The following MARK1 variants were observed in gnomAD, a reference collection of about 807,000 sequenced individuals.
MARK1 encodes serine/threonine-protein kinase MARK1.
Under a neutral mutation model 96.3 loss-of-function variants are expected in MARK1, and 40 were observed. The ratio of observed to expected loss-of-function variants is 0.42; its 90% CI spans 0.32 to 0.54. MARK1 has a LOEUF of 0.54. Among genes scored for constraint, MARK1 ranks in the 20% least tolerant of loss-of-function variants. The pLI, the probability that MARK1 is intolerant of heterozygous loss-of-function variation, is 0.16. For synonymous variants in MARK1, 317 were observed against 341.2 expected (o/e 0.93, Z 0.78); for missense variants, 719 against 984.6 (o/e 0.73, Z 3.61).
At chr1:220,557,810 G>A (rs1294289856) in intron 1 of MARK1, among the ~76,000 whole-genome samples, 1 of 152,008 alleles carries the variant, frequency 6.6e-6, no homozygotes, top group Non-Finnish European at 1.5e-5. Context: ...GAAAAATCAA[G>A]TGAGACAAAG....
intron 11 of MARK1, among the ~76,000 whole-genome samples, chr1:220,634,839 T>C (rs1667858280): frequency 6.6e-6 from 1 of 152,176 alleles, no homozygotes; most frequent in Admixed American, 6.5e-5. Flanking sequence ...ACCAGATTTT[T>C]TTTTTGCAAA....
At chr1:220,596,160 G>A (rs1665329469) in intron 3 of MARK1, among the ~76,000 whole-genome samples, 3 of 152,178 alleles carry the variant, frequency 2.0e-5, no homozygotes, top group Non-Finnish European at 4.4e-5. Flanking sequence ...ATCATTAGGA[G>A]AAACATGTAG....
At chr1:220,571,765 A>G (rs906423199) in intron 1 of MARK1, 2 of 152,198 alleles carry the variant, frequency 1.3e-5, no homozygotes, top group Admixed American at 6.5e-5. Flanking sequence ...TATGTTGCCC[A>G]GGCTGGAATG....
At chr1:220,586,289 T>C (rs996355749) in intron 3 of MARK1, among the ~76,000 whole-genome samples, 1 of 152,180 alleles carries the variant, frequency 6.6e-6, no homozygotes, top group Non-Finnish European at 1.5e-5. Flanking sequence ...CTATTCATAC[T>C]CTATTCCAGT....
intron 17 of MARK1, among the ~76,000 whole-genome samples, chr1:220,660,045 C>T (rs1469130454): frequency 6.6e-6 from 1 of 152,212 alleles, no homozygotes; most frequent in African/African-American, 2.4e-5. Context: ...CTTGGCCTCC[C>T]AAAGTGCTGA....
chr1:220,614,659 A>T (rs1666641077), intron 6 of MARK1, among the ~76,000 whole-genome samples: 2 of 152,114 alleles, frequency 1.3e-5, no homozygotes, highest in Admixed American at 1.3e-4. Context: ...TAAGCGCCTT[A>T]AGGACAGAGT....
Position 220,635,429 on chromosome 1 carries a change from C to G in MARK1, c.1176C>G (p.Pro392=). The change falls in exon 12 of 18, where the codon CCC becomes CCG. Residue 392 remains proline (P), a synonymous_variant. Coordinates refer to ENST00000366917, the MANE Select transcript of MARK1 (RefSeq NM_018650.5). ...GAAACTTGTGTCAGAGGTCCCGGCC[C>G]AGTAGTGACTTAAACAACAGCACTC... ...SSGNLCQRSR[P]SSDLNNSTLQ... 1 of 1,613,468 alleles carries G rather than the reference C, an allele frequency of 6.2e-7. No homozygotes were observed. Among genetic ancestry groups the G allele is most frequent in the South Asian group, 1.1e-5 (1 of 91,026 alleles).
Position 220,579,497 on chromosome 1 carries a change from A to G in MARK1, c.195A>G (p.Thr65=). 6.2e-7 allele frequency: 1 copy of G among 1,614,104 alleles called. No individual in the cohort carries two copies. Among genetic ancestry groups the G allele is most frequent in the Non-Finnish European group, 8.5e-7 (1 of 1,179,988 alleles). Residue 65 remains threonine, a synonymous_variant, in exon 2 of 18, where the codon ACA becomes ACG. Transcript: ENST00000366917. ...PHIGNYRLQK[T]IGKGNFAKVK... ...TTGGAAATTACCGTTTACAAAAAAC[A>G]ATAGGGAAGGGAAATTTTGCCAAAG...
In MARK1 at chr1:220,638,029, G is replaced by T. The variant is rs145531184; in HGVS notation, c.1470+2003G>T. Among the ~76,000 whole-genome samples the T allele has an allele frequency of 1.4e-3, 214 of 152,076 alleles. 1 individual carries two copies. Among genetic ancestry groups the T allele is most frequent in the African/African-American group, 4.7e-3 (193 of 41,462 alleles). ...TCACCTTTTAGTCTGTGGAACAGAT[G>T]TGCATAACCACTTCAAGAATTGATG... On this transcript the variant is annotated intron_variant, in intron 13 of 17. Transcript: ENST00000366917.
rs572301013 is a variant in MARK1 at position 220,649,237 on chromosome 1, T to G, written c.1471-1383T>G. Among the ~76,000 whole-genome samples the G allele has an allele frequency of 4.5e-3, 687 of 152,134 alleles. 5 individuals are homozygous for G. The highest frequency in any genetic ancestry group is 0.015 in the African/African-American group (630 of 41,484). ...TAACATGGACCAAGTCTTTTTTTTT[T>G]TTGGGGGACAGGATTTCACTCTGTT... On this transcript the variant is annotated intron_variant, in intron 13 of 17. Transcript: ENST00000366917.
intron 6 of MARK1, among the ~76,000 whole-genome samples, 183 bp downstream of exon 6, chr1:220,604,320 C>T (rs746217077): frequency 6.6e-6 from 1 of 151,832 alleles, no homozygotes; most frequent in East Asian, 1.9e-4. Flanking sequence ...TAAATAGTTG[C>T]AGATGGTTAT....
intron 5 of MARK1, among the ~76,000 whole-genome samples, chr1:220,600,316 T>A (rs1479074337): frequency 6.6e-6 from 1 of 152,178 alleles, no homozygotes; most frequent in Non-Finnish European, 1.5e-5. Flanking sequence ...CCAAGATAAT[T>A]CATAAAGTGA....
At chr1:220,617,881 T>G (rs1384335426) in intron 7 of MARK1, among the ~76,000 whole-genome samples, 2 of 152,208 alleles carry the variant, frequency 1.3e-5, no homozygotes, top group African/African-American at 4.8e-5. Context: ...AGCCTTGCTT[T>G]AACCAACAAT....
Position 220,653,364 on chromosome 1 carries a change from T to C in MARK1, c.1988+12T>C, listed in dbSNP as rs199668721. On this transcript the variant is annotated intron_variant, in intron 16 of 17. Coordinates refer to ENST00000366917, the MANE Select transcript of MARK1 (RefSeq NM_018650.5). The stretch of plus-strand genomic sequence containing the variant: ...AAATTTGTTCGCAGGTCAGTACCAA[T>C]GTACTGTCGTGTTTTGATTCCTCTA... 9.6e-5 allele frequency: 155 copies of C among 1,612,148 alleles called. No individual in the cohort carries two copies. Among genetic ancestry groups the C allele is most frequent in the Middle Eastern group, 1.7e-4 (1 of 6,054 alleles).
intron 1 of MARK1, among the ~76,000 whole-genome samples, chr1:220,554,047 G>A (rs977807184): frequency 1.3e-5 from 2 of 152,294 alleles, no homozygotes; most frequent in East Asian, 3.9e-4. Flanking sequence ...TTTCTTAAGG[G>A]TAGAAGGGCC....
intron 9 of MARK1, among the ~76,000 whole-genome samples, chr1:220,621,041 T>A (rs905645404): frequency 2.6e-5 from 4 of 152,150 alleles, no homozygotes; most frequent in African/African-American, 4.8e-5. Context: ...TAAACTTTTT[T>A]AAAGCTATTT....
intron 5 of MARK1, among the ~76,000 whole-genome samples, chr1:220,601,581 CT>C (rs143077250): frequency 0.057 from 8,633 of 152,186 alleles, 339 homozygotes; most frequent in Non-Finnish European, 0.087. Flanking sequence ...TTTAGTTAGA[CT>C]CTTTTCTTCC....
At chr1:220,622,834 A>G (rs1468667422) in intron 9 of MARK1, among the ~76,000 whole-genome samples, 1 of 152,204 alleles carries the variant, frequency 6.6e-6, no homozygotes, top group Non-Finnish European at 1.5e-5. Context: ...GCTGTAAGCC[A>G]TGATTGCGCC....
chr1:220,609,983 C>T (rs181318980), intron 6 of MARK1, among the ~76,000 whole-genome samples: 4 of 152,288 alleles, frequency 2.6e-5, no homozygotes, highest in Admixed American at 2.6e-4. Flanking sequence ...CCCCTTAACA[C>T]TTTTTCCTTC....
Sources: allele counts gnomAD v4.1 joint callset (sites outside exome capture counted in the v4.1 genomes callset), GRCh38; gene constraint gnomAD v4.1.1; transcripts MANE v1.5; gene names NCBI Gene and HGNC (gene_info 2026-07-23, HGNC 2026-07-21).